FARP1: variants seen among roughly 807,000 people sequenced by gnomAD.
FARP1 encodes the protein FERM, ARH/RhoGEF and pleckstrin domain protein 1.
Under a neutral mutation model 128.8 loss-of-function variants are expected in FARP1, and 52 were observed. The ratio of observed to expected loss-of-function variants is 0.40; its 90% CI spans 0.32 to 0.51. The LOEUF is 0.51. Ranked by LOEUF, FARP1 falls within the 20% of genes least tolerant of loss-of-function variation. The pLI is 0.45. For synonymous variants in FARP1, 580 were observed against 551.8 expected (o/e 1.05, Z -0.72); for missense variants, 1,333 against 1,367.9 (o/e 0.97, Z 0.40).
chr13:98,312,154 T>TTTTTTTTTTG (rs1566863747), intron 2 of FARP1, among the ~76,000 whole-genome samples: 1 of 146,488 alleles, frequency 6.8e-6, no homozygotes, highest in Non-Finnish European at 1.5e-5. Flanking sequence ...TTTTTTTTTT[T>TTTTTTTTTTG]CTTTGAGACG....
chr13:98,175,336 A>G (rs536089635), intron 1 of FARP1, among the ~76,000 whole-genome samples: 1 of 152,282 alleles, frequency 6.6e-6, no homozygotes, highest in Non-Finnish European at 1.5e-5. Context: ...GGATGTTAAC[A>G]TCAGCCAAAC....
At chr13:98,196,714 G>A (rs1442018505) in intron 1 of FARP1, among the ~76,000 whole-genome samples, 3 of 152,140 alleles carry the variant, frequency 2.0e-5, no homozygotes, top group Admixed American at 6.5e-5. Context: ...ACCTGATAGC[G>A]CCTAAATAAT....
intron 2 of FARP1, among the ~76,000 whole-genome samples, chr13:98,298,239 C>G (rs1885782607): frequency 6.6e-6 from 1 of 152,210 alleles, no homozygotes; most frequent in Non-Finnish European, 1.5e-5. Flanking sequence ...TTGGTTATCC[C>G]ATTTTGCCAA....
chr13:98,431,431 A>T, intron 18 of FARP1, 151 bp downstream of exon 18: 3 of 525,396 alleles, frequency 5.7e-6, no homozygotes, highest in South Asian at 2.5e-5. Context: ...GCCGGTTTTT[A>T]TTCCTGCTCT....
At chr13:98,429,302 G>A (rs538457146) in intron 17 of FARP1, among the ~76,000 whole-genome samples, 5 of 152,336 alleles carry the variant, frequency 3.3e-5, no homozygotes, top group Admixed American at 3.3e-4. Flanking sequence ...GCGAGAGTGT[G>A]CCGCATTTGG....
At chr13:98,441,545 C>G (rs1892525011) in intron 24 of FARP1, among the ~76,000 whole-genome samples, 1 of 152,254 alleles carries the variant, frequency 6.6e-6, no homozygotes, top group Admixed American at 6.5e-5. Flanking sequence ...CTGGGCCTTT[C>G]TGAGCAGCGT....
intron 2 of FARP1, among the ~76,000 whole-genome samples, chr13:98,311,604 G>A (rs1462552748): frequency 6.6e-6 from 1 of 152,108 alleles, no homozygotes; most frequent in African/African-American, 2.4e-5. Context: ...CACACGTTGG[G>A]AAAGTGGTGG....
chr13:98,420,850 G>A (rs1891567069), intron 16 of FARP1, among the ~76,000 whole-genome samples: 1 of 152,158 alleles, frequency 6.6e-6, no homozygotes, highest in Admixed American at 6.5e-5. Context: ...GGAACACTTT[G>A]GCTTTATACA....
chr13:98,437,957 AC>A (rs1315623862), intron 19 of FARP1: 13 of 1,013,964 alleles, frequency 1.3e-5, no homozygotes, highest in Non-Finnish European at 2.0e-5. Flanking sequence ...TTTCAAATCA[AC>A]CCTGAGCAGA....
chr13:98,249,062 C>T (rs550063064), intron 2 of FARP1, among the ~76,000 whole-genome samples: 5 of 152,228 alleles, frequency 3.3e-5, no homozygotes, highest in South Asian at 2.1e-4. Context: ...TTATATTGTT[C>T]AGTTGATGAG....
chr13:98,216,475 G>A (rs371729163), intron 2 of FARP1, among the ~76,000 whole-genome samples: 5 of 152,216 alleles, frequency 3.3e-5, no homozygotes, highest in South Asian at 4.1e-4. Flanking sequence ...CATTTGCCAC[G>A]CAGCTGAGCT....
intron 1 of FARP1, among the ~76,000 whole-genome samples, chr13:98,164,041 C>T (rs1428072717): frequency 1.3e-5 from 2 of 150,894 alleles, no homozygotes; most frequent in East Asian, 1.9e-4. Context: ...TCAAGATTAT[C>T]CTTCTTTAGC....
chr13:98,176,196 T>G lies in FARP1; in HGVS notation c.-24+32704T>G. 6.2e-7 allele frequency: 1 copy of G among 1,610,290 alleles called. No individual in the cohort carries two copies. On this transcript the variant is annotated intron_variant, in intron 1 of 26. Coordinates refer to ENST00000319562, the MANE Select transcript of FARP1 (RefSeq NM_005766.4). The surrounding 1 kb of genome is among the most constrained non-coding windows in gnomAD (Gnocchi z 6.2). ...TTTTTCCTAAAAGAACAAAAAAATT[T>G]ATTTAAATGTGAGAATTATGGGAAA...
intron 1 of FARP1, among the ~76,000 whole-genome samples, chr13:98,208,229 C>G (rs1244728827): frequency 6.6e-6 from 1 of 151,688 alleles, no homozygotes; most frequent in East Asian, 1.9e-4. Context: ...GTGGCTAACT[C>G]CTGTAATCCC....
chr13:98,407,604 A>T (rs1018920375), intron 13 of FARP1: 2 of 152,082 alleles, frequency 1.3e-5, no homozygotes, highest in African/African-American at 4.8e-5. Flanking sequence ...AAACATGAGG[A>T]TTTAAAAGCA....
intron 2 of FARP1, among the ~76,000 whole-genome samples, chr13:98,278,247 T>A (rs959132284): frequency 3.0e-4 from 45 of 148,712 alleles, no homozygotes; most frequent in African/African-American, 1.1e-3. Context: ...ATGTTGTATG[T>A]GTGTGTTGTG....
chr13:98,213,630 C>T (rs932105119), intron 2 of FARP1, among the ~76,000 whole-genome samples: 1 of 152,132 alleles, frequency 6.6e-6, no homozygotes, highest in African/African-American at 2.4e-5. Context: ...ATAGTGATGT[C>T]AGTGGCCTCG....
intron 16 of FARP1, among the ~76,000 whole-genome samples, chr13:98,419,345 G>A (rs1055736438): frequency 6.6e-6 from 1 of 152,024 alleles, no homozygotes; most frequent in African/African-American, 2.4e-5. Context: ...ATGGTGGCAG[G>A]CACCTATAAT....
chr13:98,239,916 G>GTTACCT (rs1209543291), intron 2 of FARP1, among the ~76,000 whole-genome samples: 5 of 152,118 alleles, frequency 3.3e-5, no homozygotes, highest in Non-Finnish European at 7.4e-5. Context: ...AAGGAGGAGG[G>GTTACCT]GCCCAAAGAC....
Sources: allele counts gnomAD v4.1 joint callset (sites outside exome capture counted in the v4.1 genomes callset), GRCh38; gene constraint gnomAD v4.1.1; non-coding constraint Gnocchi (gnomAD v3.1); transcripts MANE v1.5; gene names NCBI Gene and HGNC (gene_info 2026-07-23, HGNC 2026-07-21).